The following SERINC5 variants were observed in gnomAD, a reference collection of about 807,000 sequenced individuals.
SERINC5 encodes serine incorporator 5.
SERINC5 carries 41 observed loss-of-function variants against 63.1 expected under a neutral mutation model. The ratio of observed to expected loss-of-function variants is 0.65; its 90% CI spans 0.51 to 0.84. The LOEUF is 0.84. Among genes scored for constraint, SERINC5 ranks in the 40% least tolerant of loss-of-function variants. The probability of loss-of-function intolerance (pLI) is 0.00; values close to 1 mark genes in which losing one functional copy is unlikely to be tolerated. For missense variants in SERINC5, 523 were observed against 573.0 expected, an observed-to-expected ratio of 0.91 and a Z score of 0.89; for synonymous variants, 222 against 215.2, an observed-to-expected ratio of 1.03 and a Z score of -0.28.
chr5:80,208,192 A>C (rs1750261283), intron 1 of SERINC5, among the ~76,000 whole-genome samples: 1 of 152,230 alleles, frequency 6.6e-6, no homozygotes, highest in African/African-American at 2.4e-5. Flanking sequence ...AGGGAATGCT[A>C]ATGTAAACCA....
At position 80,143,466 on chromosome 5, in the gene SERINC5, T is replaced by C. The variant is rs560174693; in HGVS notation, c.*197A>G. 7.5e-7 allele frequency: 1 copy of C among 1,329,674 alleles called. No homozygotes were observed. The highest frequency in any genetic ancestry group is 1.5e-5 in the African/African-American group (1 of 67,528). The allele number at this position is 1,329,674 out of a possible 1,614,324, so 82.4% of individuals were successfully genotyped here. A position where few individuals can be genotyped will look rare whatever the true frequency, so the allele number is the denominator to read the frequency against. ...TGATCAGTTTGGTTGAAAATTTCAA[T>C]TCCTTTGGGACAAACTGGTAGTTTC... On this transcript the variant is annotated 3_prime_UTR_variant, in exon 12 of 12. Coordinates refer to ENST00000507668, the MANE Select transcript of SERINC5 (RefSeq NM_001174072.3).
At chr5:80,174,372 T>TAATAATAATAAG (rs749304665) in intron 5 of SERINC5, among the ~76,000 whole-genome samples, 1 of 82,140 alleles carries the variant, frequency 1.2e-5, no homozygotes, top group Non-Finnish European at 3.2e-5. Context: ...ATCTCAAAAA[T>TAATAATAATAAG]AATAATAATA....
rs888781449 is a variant in SERINC5 at position 80,142,626 on chromosome 5, G to A, written c.*1037C>T. 6.9e-5 allele frequency: 68 copies of A among 985,254 alleles called. No individual in the cohort carries two copies. The highest frequency in any genetic ancestry group is 5.2e-4 in the Middle Eastern group (1 of 1,936). 61.0% of individuals were successfully genotyped at this position (985,254 alleles called of 1,614,324 possible). ...CAAGGATGCCAGCATGAACCTGAACGGTATGGTCACGTTACAGATCCAGAA... is the reference window on the plus strand; with the variant it reads ...CAAGGATGCCAGCATGAACCTGAACAGTATGGTCACGTTACAGATCCAGAA... On this transcript the variant is annotated 3_prime_UTR_variant, in exon 12 of 12. Transcript: ENST00000507668.
intron 2 of SERINC5, among the ~76,000 whole-genome samples, chr5:80,181,102 T>C (rs751890341): frequency 1.3e-5 from 2 of 152,182 alleles, no homozygotes; most frequent in Non-Finnish European, 2.9e-5. Flanking sequence ...CGCAGCTATC[T>C]ACTGGGCAGG....
intron 9 of SERINC5, among the ~76,000 whole-genome samples, chr5:80,148,836 T>C (rs1745993033): frequency 6.6e-6 from 1 of 152,192 alleles, no homozygotes; most frequent in Non-Finnish European, 1.5e-5. Flanking sequence ...TGAGCCTTCA[T>C]CTCATTTGTG....
chr5:80,137,144 A>AC (rs1203084920), downstream of SERINC5, among the ~76,000 whole-genome samples: 1 of 117,000 alleles, frequency 8.5e-6, no homozygotes, highest in Non-Finnish European at 1.8e-5. Flanking sequence ...TGTCTCAAAA[A>AC]AAAAAAAAAA....
rs1400240480 is a variant in SERINC5 at position 80,177,342 on chromosome 5, T to G, written c.430A>C (p.Ile144Leu). 1.2e-6 allele frequency: 2 copies of G among 1,613,436 alleles called. No homozygotes were observed. Among genetic ancestry groups the G allele is most frequent in the Non-Finnish European group, 1.7e-6 (2 of 1,179,592 alleles). ...LGAMCSGAFF[I>L]PDQDTFLNAW... ...TTCAGAAAGGTGTCCTGATCTGGAA[T>G]GAAGAAAGCTCCTGAGCACATGGCC... is the stretch of plus-strand genomic sequence containing the variant. Residue 144 changes from isoleucine to leucine, a missense_variant, in exon 4 of 12, where the codon ATT becomes CTT. Ile to Leu is a conservative substitution (Grantham distance 5). Coordinates refer to ENST00000507668, the MANE Select transcript of SERINC5 (RefSeq NM_001174072.3).
chr5:80,139,521 G>A lies in SERINC5; in HGVS notation c.*4142C>T, dbSNP rs1212384812. 13 of 984,564 alleles carry A rather than the reference G, an allele frequency of 1.3e-5. No homozygotes were observed. The highest frequency in any genetic ancestry group is 6.2e-5 in the Admixed American group (1 of 16,210). The allele number at this position is 984,564 out of a possible 1,614,324, so 61.0% of individuals were successfully genotyped here. ...AGGATTTTGCTTAAGGAAAAAAAAA[G>A]CTCTTTGGTAAAGGCCAAATATTTC... On this transcript the variant is annotated 3_prime_UTR_variant, in exon 12 of 12. Coordinates refer to ENST00000507668, the MANE Select transcript of SERINC5 (RefSeq NM_001174072.3).
At chr5:80,254,215 C>T (rs1246244178) in intron 1 of SERINC5, among the ~76,000 whole-genome samples, 5 of 141,390 alleles carry the variant, frequency 3.5e-5, no homozygotes, top group South Asian at 2.6e-4. Context: ...TGAGCCACTG[C>T]GCCCAGCCTG....
chr5:80,197,807 T>G (rs10474011), intron 2 of SERINC5, among the ~76,000 whole-genome samples: 1 of 151,982 alleles, frequency 6.6e-6, no homozygotes, highest in Non-Finnish European at 1.5e-5. Context: ...TTTACTTTCT[T>G]GCCCACTTTT....
chr5:80,198,573 T>G (rs372645069), intron 2 of SERINC5: 2 of 985,298 alleles, frequency 2.0e-6, no homozygotes, highest in East Asian at 2.3e-4. Flanking sequence ...GTTACAAGCA[T>G]GCAGTTCTTT....
At chr5:80,134,277 G>C (rs1477412756), downstream of SERINC5, among the ~76,000 whole-genome samples, 1 of 152,156 alleles carries the variant, frequency 6.6e-6, no homozygotes, top group East Asian at 1.9e-4. Flanking sequence ...TTTGAGATCA[G>C]GAGTTCGAGA....
At position 80,143,476 on chromosome 5, in the gene SERINC5, A is replaced by G; in HGVS notation, c.*187T>C. Reference sequence around the variant, plus strand: ...GGTTGAAAATTTCAATTCCTTTGGGACAAACTGGTAGTTTCTTTTTGAATT... The same window carrying G: ...GGTTGAAAATTTCAATTCCTTTGGGGCAAACTGGTAGTTTCTTTTTGAATT... On this transcript the variant is annotated 3_prime_UTR_variant, in exon 12 of 12. Transcript: ENST00000507668. 1.5e-6 allele frequency: 2 copies of G among 1,352,856 alleles called. No individual in the cohort carries two copies. Among genetic ancestry groups the G allele is most frequent in the South Asian group, 4.1e-5 (2 of 48,226 alleles). 83.8% of individuals were successfully genotyped at this position (1,352,856 alleles called of 1,614,324 possible). A position where few individuals can be genotyped will look rare whatever the true frequency, so the allele number is the denominator to read the frequency against.
chr5:80,144,364 C>T (rs549820159), intron 11 of SERINC5, among the ~76,000 whole-genome samples: 2 of 152,218 alleles, frequency 1.3e-5, no homozygotes, highest in African/African-American at 2.4e-5. Context: ...CTTAGGTATA[C>T]GCTCAGGAGT....
At chr5:80,200,252 C>T (rs771417736) in intron 2 of SERINC5, among the ~76,000 whole-genome samples, 12 of 150,680 alleles carry the variant, frequency 8.0e-5, no homozygotes, top group South Asian at 2.1e-4. Flanking sequence ...CTGAGGCAGG[C>T]GGATCACGAG....
At chr5:80,250,343 CATT>C (rs1476998570) in intron 1 of SERINC5, among the ~76,000 whole-genome samples, 11 of 151,716 alleles carry the variant, frequency 7.3e-5, no homozygotes, top group East Asian at 1.9e-4. Context: ...GAAACATCAT[CATT>C]ATTATTATTT....
At chr5:80,123,442 A>G (rs1662712535) in intron 11 of SERINC5, among the ~76,000 whole-genome samples, 1 of 152,188 alleles carries the variant, frequency 6.6e-6, no homozygotes, top group Non-Finnish European at 1.5e-5. Flanking sequence ...TTTTTTATTA[A>G]TAAAAAGTGA....
At chr5:80,166,202 C>A (rs1243167568) in intron 7 of SERINC5, among the ~76,000 whole-genome samples, 181 bp downstream of exon 7, 1 of 152,152 alleles carries the variant, frequency 6.6e-6, no homozygotes, top group African/African-American at 2.4e-5. Flanking sequence ...CTTATTCATT[C>A]TTCCTATTTA....
At chr5:80,222,674 G>GC (rs1750966947) in intron 1 of SERINC5, among the ~76,000 whole-genome samples, 1 of 151,994 alleles carries the variant, frequency 6.6e-6, no homozygotes, top group African/African-American at 2.4e-5. Context: ...CTGGGTTCAA[G>GC]CAATTCTCCT....
Sources: allele counts gnomAD v4.1 joint callset (sites outside exome capture counted in the v4.1 genomes callset), GRCh38; gene constraint gnomAD v4.1.1; transcripts MANE v1.5; gene names NCBI Gene and HGNC (gene_info 2026-07-23, HGNC 2026-07-21).